Variants in CKAP5 observed in about 807,000 individuals in gnomAD.
CKAP5 encodes the protein cytoskeleton-associated protein 5.
CKAP5 carries 27 observed loss-of-function variants against 232.8 expected under a neutral mutation model. The observed-to-expected ratio is 0.12, with a 90% CI of 0.09 to 0.16. The LOEUF is 0.16. CKAP5 is among the 10% of genes least tolerant of loss of function. The pLI is 1.00. For missense variants in CKAP5, 1,838 were observed against 2,424.7 expected (o/e 0.76, Z 5.08); for synonymous variants, 785 against 841.1 (o/e 0.93, Z 1.16).
intron 1 of CKAP5, among the ~76,000 whole-genome samples, chr11:46,828,726 T>A (rs540206241): frequency 6.6e-6 from 1 of 152,240 alleles, no homozygotes; most frequent in African/African-American, 2.4e-5. Flanking sequence ...ATTTTAAAAA[T>A]TAGAGAAAAA....
At chr11:46,813,808 A>G (rs1303610431) in intron 4 of CKAP5, among the ~76,000 whole-genome samples, 1 of 152,188 alleles carries the variant, frequency 6.6e-6, no homozygotes, top group Non-Finnish European at 1.5e-5. Context: ...CAGAGTACAC[A>G]GCACTCCAGA....
Position 46,780,464 on chromosome 11 carries a change from A to T in CKAP5, c.2271T>A (p.Ile757=), listed in dbSNP as rs1343943957. The change falls in exon 19 of 44, where the codon ATT becomes ATA. Residue 757 remains isoleucine (I), a synonymous_variant. Transcript: ENST00000529230. The part of the protein sequence containing the change: ...GFSGLNVKAF[I]SNVKTALAAT... ...CAGCAAGAGCTGTCTTCACATTGCTAATGAAAGCTTTGACATTCAACCTAG... is the reference window on the plus strand; with the variant it reads ...CAGCAAGAGCTGTCTTCACATTGCTTATGAAAGCTTTGACATTCAACCTAG... 6.2e-7 allele frequency: 1 copy of T among 1,613,832 alleles called. No individual in the cohort carries two copies.
chr11:46,762,600 C>T (rs1350192913), intron 31 of CKAP5, 27 bp downstream of exon 31: 2 of 1,612,560 alleles, frequency 1.2e-6, no homozygotes, highest in African/African-American at 2.7e-5. Flanking sequence ...CAGAGATTCA[C>T]ATCTCAGTTT....
intron 24 of CKAP5, among the ~76,000 whole-genome samples, chr11:46,772,416 A>G (rs2065255370): frequency 6.6e-6 from 1 of 152,184 alleles, no homozygotes; most frequent in Non-Finnish European, 1.5e-5. Context: ...GTTTGCACTT[A>G]AAAGTTCTAT....
Position 46,763,591 on chromosome 11 carries a change from T to C in CKAP5, c.3577A>G (p.Ile1193Val). Reference sequence around the variant, plus strand: ...GACATTTGAGTCTTTAGTTGCTCAATGTATTCATCCCGTGGGGTAGTAAAA... The same window carrying C: ...GACATTTGAGTCTTTAGTTGCTCAACGTATTCATCCCGTGGGGTAGTAAAA... ...WNFTTPRDEYIEQLKTQMSSC... is the reference protein window; with the variant it reads ...WNFTTPRDEYVEQLKTQMSSC... Residue 1193 changes from isoleucine (I) to valine (V), a missense_variant, in exon 29 of 44, where the codon ATT (isoleucine) becomes GTT (valine). Physicochemically the swap from Ile to Val is conservative, Grantham distance 29. Transcript: ENST00000529230. 6.3e-7 allele frequency: 1 copy of C among 1,595,586 alleles called. No individual in the cohort carries two copies. The highest frequency in any genetic ancestry group is 8.5e-7 in the Non-Finnish European group (1 of 1,171,298).
chr11:46,821,242 G>A lies in CKAP5; in HGVS notation c.-11C>T. ...ACTGTCATCTCCCATTGTGCTTCCAGGTTTTCCTTAGAATTAAGAGTATTT... is the reference window on the plus strand; with the variant it reads ...ACTGTCATCTCCCATTGTGCTTCCAAGTTTTCCTTAGAATTAAGAGTATTT... On this transcript the variant is annotated 5_prime_UTR_variant, in exon 2 of 44. Transcript: ENST00000529230. The A allele has an allele frequency of 6.2e-7, 1 of 1,608,306 alleles. No homozygotes were observed. Among genetic ancestry groups the A allele is most frequent in the Non-Finnish European group, 8.5e-7 (1 of 1,175,004 alleles).
At position 46,826,757 on chromosome 11, in the gene CKAP5, C is replaced by T. The variant is rs544841511; in HGVS notation, c.-37-5489G>A. 7.8e-5 allele frequency: 12 copies of T among 153,376 alleles called. No homozygotes were observed. In the South Asian group the frequency reaches 2.2e-3, roughly 28 times the overall value. The allele number at this position is 153,376 out of a possible 1,614,324, so 9.5% of individuals were successfully genotyped here. A position where few individuals can be genotyped will look rare whatever the true frequency, so the allele number is the denominator to read the frequency against. The stretch of plus-strand genomic sequence containing the variant: ...CTTGCCCTTTGCCCGTGGTTTGACA[C>T]TTACGCTCCCCGGGCAGGGAGAGGT... On this transcript the variant is annotated intron_variant, in intron 1 of 43. Transcript: ENST00000529230.
At chr11:46,744,356 G>C in intron 43 of CKAP5, 70 bp downstream of exon 43, 1 of 1,612,676 alleles carries the variant, frequency 6.2e-7, no homozygotes, top group East Asian at 2.2e-5. Context: ...CCACTTCTCT[G>C]TGGGCCAGCC....
At chr11:46,772,961 C>T (rs974845279) in intron 24 of CKAP5, among the ~76,000 whole-genome samples, 3 of 152,124 alleles carry the variant, frequency 2.0e-5, no homozygotes, top group South Asian at 4.2e-4. Flanking sequence ...AGGATGGTCT[C>T]GATCTCTTGA....
intron 40 of CKAP5, 77 bp from the exon 41 acceptor site, chr11:46,750,688 G>C (rs1328921894): frequency 8.8e-7 from 1 of 1,136,844 alleles, no homozygotes; most frequent in African/African-American, 1.5e-5. Context: ...GATATGAACA[G>C]AAAATATCTC....
chr11:46,815,930 G>A (rs1939387600), intron 4 of CKAP5, among the ~76,000 whole-genome samples: 3 of 152,156 alleles, frequency 2.0e-5, no homozygotes, highest in African/African-American at 7.2e-5. Flanking sequence ...GCTACCAAGC[G>A]AGAATTACCC....
In CKAP5 at chr11:46,778,224, A is replaced by G. The variant is rs2065307513; in HGVS notation, c.2663T>C (p.Ile888Thr). 1.2e-6 allele frequency: 2 copies of G among 1,613,938 alleles called. No individual in the cohort carries two copies. Reference sequence around the variant, plus strand: ...CGGTTGGATAAATTTTGCGTCATTAATAATACCTGCCACTTCATCTAGGCC... The same window carrying G: ...CGGTTGGATAAATTTTGCGTCATTAGTAATACCTGCCACTTCATCTAGGCC... ...KEGLDEVAGI[I>T]NDAKFIQPNI... The change falls in exon 22 of 44, where the codon ATT (isoleucine) becomes ACT (threonine). Residue 888 changes from isoleucine to threonine, a missense_variant. Coordinates refer to ENST00000529230, the MANE Select transcript of CKAP5 (RefSeq NM_001008938.4).
chr11:46,778,419 T>C (rs376666894), intron 21 of CKAP5, 41 bp downstream of exon 21: 17 of 1,612,314 alleles, frequency 1.1e-5, no homozygotes, highest in Admixed American at 6.7e-5. Flanking sequence ...CTGAATTCAA[T>C]ACAATGAATG....
At position 46,743,164 on chromosome 11, in the gene CKAP5, G is replaced by GTT. The variant is rs1337414478; in HGVS notation, c.*857_*858dup. 6.6e-6 allele frequency: 1 copy of GTT among 152,186 alleles called. No homozygotes were observed. Among genetic ancestry groups the GTT allele is most frequent in the Non-Finnish European group, 1.5e-5 (1 of 68,044 alleles). 9.4% of individuals were successfully genotyped at this position (152,186 alleles called of 1,614,324 possible). On this transcript the variant is annotated 3_prime_UTR_variant, in exon 44 of 44. Coordinates refer to ENST00000529230, the MANE Select transcript of CKAP5 (RefSeq NM_001008938.4). ...CATTAGTCAAATGAACACAAATCTA[G>GTT]TTGTAGTGTGAGAACCACTGAAGCC... is the stretch of plus-strand genomic sequence containing the variant.
At chr11:46,817,721 T>C (rs1315968905) in intron 3 of CKAP5, among the ~76,000 whole-genome samples, 1 of 151,910 alleles carries the variant, frequency 6.6e-6, no homozygotes, top group Non-Finnish European at 1.5e-5. Flanking sequence ...GAGACTAGAG[T>C]TAGGAAAATC....
At chr11:46,803,809 T>A (rs943449709) in intron 8 of CKAP5, among the ~76,000 whole-genome samples, 3 of 152,168 alleles carry the variant, frequency 2.0e-5, no homozygotes, top group African/African-American at 7.2e-5. Flanking sequence ...AAGAAAAAAA[T>A]TTTCCATTCA....
In CKAP5 at chr11:46,762,956, G is replaced by C. The variant is rs774229628; in HGVS notation, c.3891+20C>G. 7.5e-6 allele frequency: 12 copies of C among 1,601,230 alleles called. No homozygotes were observed. The highest frequency in any genetic ancestry group is 1.3e-5 in the African/African-American group (1 of 74,734). ...AGCTGGGAACTTAAGCAGTCTCCCAGAGAGAGAACACCACATTACCTTGAC... is the reference window on the plus strand; with the variant it reads ...AGCTGGGAACTTAAGCAGTCTCCCACAGAGAGAACACCACATTACCTTGAC... On this transcript the variant is annotated intron_variant, in intron 30 of 43. Coordinates refer to ENST00000529230, the MANE Select transcript of CKAP5 (RefSeq NM_001008938.4).
chr11:46,786,844 C>G (rs944663582), intron 16 of CKAP5, among the ~76,000 whole-genome samples: 1 of 152,148 alleles, frequency 6.6e-6, no homozygotes. Context: ...CACCTTCCCC[C>G]TTGGCAGAGG....
intron 1 of CKAP5, among the ~76,000 whole-genome samples, chr11:46,842,261 G>C (rs1160049932): frequency 6.6e-6 from 1 of 152,086 alleles, no homozygotes; most frequent in East Asian, 1.9e-4. Context: ...TTGAAACCAG[G>C]GGGTACAATG....
Sources: gnomAD v4.1 joint callset for allele counts (sites outside exome capture counted in the v4.1 genomes callset) on GRCh38, gnomAD v4.1.1 for gene constraint, MANE v1.5 for transcripts, NCBI Gene and HGNC (gene_info 2026-07-23, HGNC 2026-07-21) for gene names.